ZNF512: variants seen among roughly 807,000 people sequenced by gnomAD.
The protein encoded by ZNF512 is zinc finger protein 512.
Under a neutral mutation model 77.5 loss-of-function variants are expected in ZNF512, and 25 were observed. That is an observed-to-expected ratio of 0.32 (90% CI 0.23 to 0.45). The LOEUF (loss-of-function observed/expected upper bound fraction) is 0.45. Among genes scored for constraint, ZNF512 ranks in the 20% least tolerant of loss-of-function variants. ZNF512 has a pLI of 1.00. For synonymous variants in ZNF512, 246 were observed against 239.9 expected (o/e 1.03, Z -0.24); for missense variants, 483 against 692.6 (o/e 0.70, Z 3.40).
At position 27,602,579 on chromosome 2, in the gene ZNF512, G is replaced by C. The variant is rs143083635; in HGVS notation, c.768+18G>C. 9.1e-5 allele frequency: 145 copies of C among 1,591,706 alleles called. No homozygotes were observed. In the East Asian group the frequency reaches 3.0e-3, roughly 33 times the overall value. ...TGCGTGAGGTAAGGGCCCAAGGACA[G>C]CAATTCCTTCTGCCTGAATTCTCAG... On this transcript the variant is annotated intron_variant, in intron 8 of 13. Coordinates refer to ENST00000355467, the MANE Select transcript of ZNF512 (RefSeq NM_032434.4).
chr2:27,583,412 G>A, intron 1 of ZNF512: 1 of 1,437,658 alleles, frequency 7.0e-7, no homozygotes. Context: ...CTTTTCTTTT[G>A]GCCTCCCTTT....
chr2:27,591,897 G>A (rs982346004), intron 2 of ZNF512, among the ~76,000 whole-genome samples: 4 of 152,200 alleles, frequency 2.6e-5, no homozygotes, highest in Non-Finnish European at 2.9e-5. Flanking sequence ...GAAACCCATG[G>A]TCATTTAAAT....
At chr2:27,583,794 T>C (rs751045190) in intron 2 of ZNF512, 78 bp downstream of exon 2, 4 of 1,520,898 alleles carry the variant, frequency 2.6e-6, no homozygotes, top group Non-Finnish European at 3.6e-6. Context: ...GTGATGAAAA[T>C]GTTCTGTATC....
chr2:27,590,289 T>A (rs1198825350), intron 2 of ZNF512, among the ~76,000 whole-genome samples: 1 of 152,254 alleles, frequency 6.6e-6, no homozygotes, highest in African/African-American at 2.4e-5. Flanking sequence ...TTGACACTTT[T>A]GTCATTATGA....
In ZNF512 at chr2:27,621,725, A is replaced by C; in HGVS notation, c.*264A>C. 1 of 385,096 alleles carries C rather than the reference A, an allele frequency of 2.6e-6. No homozygotes were observed. The highest frequency in any genetic ancestry group is 4.8e-6 in the Non-Finnish European group (1 of 208,916). 23.9% of individuals were successfully genotyped at this position (385,096 alleles called of 1,614,324 possible). On this transcript the variant is annotated 3_prime_UTR_variant, in exon 14 of 14. Transcript: ENST00000355467. ...AAAGAGCTCCCTCTCAAGGCCAACT[A>C]TAGGCTCCTCTTGCCCTGTACAAAA...
chr2:27,609,746 G>A (rs755236793), intron 10 of ZNF512, among the ~76,000 whole-genome samples: 119 of 152,162 alleles, frequency 7.8e-4, no homozygotes, highest in African/African-American at 2.7e-3. Flanking sequence ...GCGAGTGCCC[G>A]TAATCCCAGC....
intron 2 of ZNF512, among the ~76,000 whole-genome samples, chr2:27,593,885 A>C (rs1351500764): frequency 6.6e-6 from 1 of 151,914 alleles, no homozygotes; most frequent in African/African-American, 2.4e-5. Flanking sequence ...AAGGCAGAAG[A>C]ATTTTTCTTA....
intron 11 of ZNF512, among the ~76,000 whole-genome samples, chr2:27,616,013 A>T (rs908208350): frequency 1.3e-5 from 2 of 152,214 alleles, no homozygotes; most frequent in African/African-American, 4.8e-5. Flanking sequence ...GTGTCAGAGA[A>T]AGTACTGAGG....
intron 2 of ZNF512, among the ~76,000 whole-genome samples, chr2:27,596,121 C>T (rs527242067): frequency 1.3e-5 from 2 of 152,256 alleles, no homozygotes; most frequent in Admixed American, 1.3e-4. Context: ...TTGTTAAAAT[C>T]TCGGTTCTGT....
intron 1 of ZNF512, 103 bp downstream of exon 1, chr2:27,583,245 G>C (rs926297405): frequency 6.6e-7 from 1 of 1,514,350 alleles, no homozygotes; most frequent in African/African-American, 1.4e-5. Context: ...TTTATCAGAG[G>C]CCATCGTAGG....
intron 13 of ZNF512, 57 bp downstream of exon 13, chr2:27,617,628 T>TG: frequency 1.3e-6 from 1 of 784,478 alleles, no homozygotes; most frequent in Non-Finnish European, 2.4e-6. Context: ...AGGTAGACTT[T>TG]GTCCCTATTG....
At chr2:27,599,137 T>A (rs1455838027) in intron 3 of ZNF512, among the ~76,000 whole-genome samples, 1 of 152,140 alleles carries the variant, frequency 6.6e-6, no homozygotes. Flanking sequence ...CAGATGTGAG[T>A]CACCATGGCT....
chr2:27,607,720 G>A (rs1434893675), intron 9 of ZNF512, 125 bp from the exon 10 acceptor site: 12 of 863,946 alleles, frequency 1.4e-5, no homozygotes, highest in Non-Finnish European at 2.1e-5. Context: ...GGAACTTGAT[G>A]CTAGTGGTTA....
chr2:27,603,596 T>A (rs1473899452), intron 9 of ZNF512, among the ~76,000 whole-genome samples: 81 of 31,786 alleles, frequency 2.5e-3, no homozygotes, highest in East Asian at 0.017. Flanking sequence ...GTATATTTTT[T>A]TTTTTTTTTT....
chr2:27,618,564 C>G (rs1238651965), intron 13 of ZNF512, among the ~76,000 whole-genome samples: 1 of 152,070 alleles, frequency 6.6e-6, no homozygotes, highest in Non-Finnish European at 1.5e-5. Flanking sequence ...ATTATGATGT[C>G]TGCAACTAAT....
At chr2:27,600,614 T>A in intron 5 of ZNF512, 77 bp from the exon 6 acceptor site, 1 of 1,531,846 alleles carries the variant, frequency 6.5e-7, no homozygotes, top group Non-Finnish European at 8.8e-7. Flanking sequence ...ATGATACTTT[T>A]CCTAAATCGT....
At chr2:27,588,984 A>G (rs1350680907) in intron 2 of ZNF512, among the ~76,000 whole-genome samples, 1 of 152,158 alleles carries the variant, frequency 6.6e-6, no homozygotes, top group Non-Finnish European at 1.5e-5. Flanking sequence ...GTAATTGTAA[A>G]TGGTATTATT....
chr2:27,594,705 C>T (rs938434587), intron 2 of ZNF512, among the ~76,000 whole-genome samples: 4 of 151,630 alleles, frequency 2.6e-5, no homozygotes, highest in African/African-American at 7.3e-5. Context: ...CAGGCAGAGA[C>T]GCTCCTCACT....
intron 12 of ZNF512, 139 bp downstream of exon 12, chr2:27,616,463 A>C: frequency 3.0e-6 from 2 of 675,388 alleles, no homozygotes; most frequent in Non-Finnish European, 5.1e-6. Flanking sequence ...TATGTCTCTA[A>C]GATTCTTGGT....
Sources: gnomAD v4.1 joint callset for allele counts (sites outside exome capture counted in the v4.1 genomes callset) on GRCh38, gnomAD v4.1.1 for gene constraint, MANE v1.5 for transcripts, NCBI Gene and HGNC (gene_info 2026-07-23, HGNC 2026-07-21) for gene names.